Variants in CREBBP observed in about 807,000 individuals in gnomAD.
CREBBP encodes CREB binding lysine acetyltransferase.
Under a neutral mutation model 265.0 loss-of-function variants are expected in CREBBP, and 19 were observed. The ratio of observed to expected loss-of-function variants is 0.07; its 90% CI spans 0.05 to 0.11. The LOEUF (loss-of-function observed/expected upper bound fraction) is 0.11, where lower values mean the gene tolerates loss of function less well. Among genes scored for constraint, CREBBP ranks in the 10% least tolerant of loss-of-function variants. CREBBP has a pLI of 1.00. For missense variants in CREBBP, 2,525 were observed against 3,219.0 expected, an observed-to-expected ratio of 0.78 and a Z score of 5.22; for synonymous variants, 1,457 against 1,223.7, an observed-to-expected ratio of 1.19 and a Z score of -3.98.
chr16:3,760,393 T>TTTTTTTTTTG (rs2052687181), intron 16 of CREBBP, among the ~76,000 whole-genome samples: 17 of 28,382 alleles, frequency 6.0e-4, no homozygotes, highest in Admixed American at 2.1e-3. Context: ...ATGCCCAGGT[T>TTTTTTTTTTG]TTTTTTTTTT....
rs74912947 is a variant in CREBBP, at chr16:3,785,081, C to G, written c.1331-2155G>C. Among the ~76,000 whole-genome samples, 1,274 of 152,332 alleles carry G rather than the reference C, an allele frequency of 8.4e-3. 13 individuals are homozygous for G. The highest frequency in any genetic ancestry group is 0.034 in the Middle Eastern group (10 of 294). The stretch of plus-strand genomic sequence containing the variant: ...ATTTGAAGTCCAAATGATGCTATTA[C>G]ATGAAATGACACAAATACTGAAGGG... On this transcript the variant is annotated intron_variant, in intron 5 of 30. Transcript: ENST00000262367.
In CREBBP at chr16:3,767,887, C is replaced by T. The variant is rs2141183647; in HGVS notation, c.3083G>A (p.Gly1028Glu). The T allele has an allele frequency of 6.2e-7, 1 of 1,614,098 alleles. No individual in the cohort carries two copies. The highest frequency in any genetic ancestry group is 1.7e-5 in the Admixed American group (1 of 60,010). ...RSEMMEEDLQ[G>E]ASQVKEETDI... ...TGTTTCTTCTTTAACTTGGGAAGCTCCTTGCAAATCCTCCTCCATCATCTT... is the reference window on the plus strand; with the variant it reads ...TGTTTCTTCTTTAACTTGGGAAGCTTCTTGCAAATCCTCCTCCATCATCTT... Residue 1028 changes from glycine to glutamate, a missense_variant, in exon 16 of 31, where the codon GGA becomes GAA. Physicochemically the swap from Gly to Glu is moderately conservative, Grantham distance 98 (BLOSUM62 -2). Around this residue, in one of 19 missense-constraint regions of CREBBP, gnomAD observed 548 missense variants for 533.0 expected, o/e 1.03. Coordinates refer to ENST00000262367, the MANE Select transcript of CREBBP (RefSeq NM_004380.3).
At chr16:3,843,514 G>A (rs1007610950) in intron 2 of CREBBP, among the ~76,000 whole-genome samples, 1 of 149,108 alleles carries the variant, frequency 6.7e-6, no homozygotes, top group African/African-American at 2.5e-5. Flanking sequence ...TTGCACTCCT[G>A]GGCTCAAGCA....
chr16:3,776,133 G>A (rs2053132776), intron 11 of CREBBP, among the ~76,000 whole-genome samples: 1 of 151,996 alleles, frequency 6.6e-6, no homozygotes, highest in Non-Finnish European at 1.5e-5. Context: ...GGCTAGGCTG[G>A]TCTCAAACTC....
Position 3,728,582 on chromosome 16 carries a change from A to C in CREBBP, c.6465T>G (p.Pro2155=), listed in dbSNP as rs746868061. ...MQAGVPRPGV[P]PQQQAMGGLN... is the part of the protein sequence containing the mutation. ...GGCCTCCCATCGCCTGCTGCTGTGG[A>C]GGCACACCGGGCCGCGGCACGCCAG... The change falls in exon 31 of 31, where the codon CCT becomes CCG. Residue 2155 remains proline (P), a synonymous_variant. Transcript: ENST00000262367. This position sits in a 1 kb window ranked among gnomAD's most constrained non-coding sequence, Gnocchi z 8.7. The C allele has an allele frequency of 2.5e-5, 41 of 1,613,478 alleles. No individual in the cohort carries two copies. The Middle Eastern group carries it at 4.9e-4, about 19-fold the overall frequency.
At chr16:3,737,158 G>C (rs891577578) in intron 26 of CREBBP, among the ~76,000 whole-genome samples, 1 of 152,110 alleles carries the variant, frequency 6.6e-6, no homozygotes, top group Non-Finnish European at 1.5e-5. Context: ...AAGGCAGTTC[G>C]GTTGACTATT....
chr16:3,780,783 C>T lies in CREBBP; in HGVS notation c.1772G>A (p.Gly591Asp). ...APPSSTGVRK[G>D]WHEHVTQDLR... is the part of the protein sequence containing the mutation. The stretch of plus-strand genomic sequence containing the variant: ...GTCCTGAGTGACATGTTCGTGCCAG[C>T]CTTTCCTTACACCGGTGCTAGAAGG... The change falls in exon 8 of 31, where the codon GGC becomes GAC. Residue 591 changes from glycine (G) to aspartate (D), a missense_variant. Coordinates refer to ENST00000262367, the MANE Select transcript of CREBBP (RefSeq NM_004380.3). 6.2e-7 allele frequency: 1 copy of T among 1,614,016 alleles called. No homozygotes were observed. The highest frequency in any genetic ancestry group is 8.5e-7 in the Non-Finnish European group (1 of 1,180,014).
intron 2 of CREBBP, among the ~76,000 whole-genome samples, chr16:3,843,335 T>C (rs981067397): frequency 1.3e-5 from 2 of 151,936 alleles, no homozygotes; most frequent in Non-Finnish European, 2.9e-5. Context: ...ATTTAGACTT[T>C]ACTAAATAAA....
chr16:3,844,008 C>T (rs989468933), intron 2 of CREBBP, among the ~76,000 whole-genome samples: 38 of 150,112 alleles, frequency 2.5e-4, no homozygotes, highest in African/African-American at 9.3e-4. Context: ...ATTAGCCGGG[C>T]GTAGTGGCGG....
At chr16:3,800,027 T>C (rs28716063) in intron 3 of CREBBP, among the ~76,000 whole-genome samples, 1 of 152,124 alleles carries the variant, frequency 6.6e-6, no homozygotes, top group Admixed American at 6.5e-5. Context: ...TGTAAAAGTA[T>C]GGGAAGGTAA....
intron 3 of CREBBP, among the ~76,000 whole-genome samples, chr16:3,797,665 G>A (rs975334454): frequency 5.3e-5 from 8 of 151,904 alleles, no homozygotes; most frequent in Non-Finnish European, 1.0e-4. Flanking sequence ...GCTGGTAAGT[G>A]AAACCCCAGA....
chr16:3,731,962 G>T lies in CREBBP; in HGVS notation c.4729-25C>A. On this transcript the variant is annotated intron_variant, in intron 28 of 30. Transcript: ENST00000262367. This position sits in a 1 kb window ranked among gnomAD's most constrained non-coding sequence, Gnocchi z 7.7. ...CCTGCAACAACACGCAAGGCTGTGAGACCAGGCAAGTGCCCCTCCACACTT... is the reference window on the plus strand; with the variant it reads ...CCTGCAACAACACGCAAGGCTGTGATACCAGGCAAGTGCCCCTCCACACTT... 2 of 1,614,110 alleles carry T rather than the reference G, an allele frequency of 1.2e-6. No homozygotes were observed. Among genetic ancestry groups the T allele is most frequent in the Non-Finnish European group, 1.7e-6 (2 of 1,180,042 alleles).
At chr16:3,771,261 G>T (rs910404279) in intron 13 of CREBBP, among the ~76,000 whole-genome samples, 1 of 151,958 alleles carries the variant, frequency 6.6e-6, no homozygotes, top group Non-Finnish European at 1.5e-5. Flanking sequence ...TAGAGATCGG[G>T]TTTTGCCATG....
intron 26 of CREBBP, 70 bp from the exon 27 acceptor site, chr16:3,736,885 G>T: frequency 6.3e-7 from 1 of 1,577,084 alleles, no homozygotes. Context: ...AGGAGTTATA[G>T]CAGAGGAGCA....
chr16:3,797,533 ATT>A (rs1395695431), intron 3 of CREBBP, among the ~76,000 whole-genome samples: 4 of 152,180 alleles, frequency 2.6e-5, no homozygotes, highest in Non-Finnish European at 5.9e-5. Flanking sequence ...AGAGATTAAC[ATT>A]AACTAATAAT....
At chr16:3,870,910 G>A (rs2055280168) in intron 1 of CREBBP, among the ~76,000 whole-genome samples, 2 of 151,958 alleles carry the variant, frequency 1.3e-5, no homozygotes, top group South Asian at 2.1e-4. Context: ...TGTAATTCCA[G>A]CTACTCAGGA....
rs555109138 is a variant in CREBBP at position 3,767,765 on chromosome 16, C to A, written c.3205G>T (p.Gly1069Cys). 3.9e-5 allele frequency: 63 copies of A among 1,614,222 alleles called. No homozygotes were observed. The South Asian group carries it at 6.5e-4, about 17-fold the overall frequency. ...VKEEEESSSN[G>C]TASQSTSPSQ... Reference sequence around the variant, plus strand: ...GGAGATGTTGACTGAGAGGCTGTGCCGTTACTGCTACTCTCTTCTTCCTCT... The same window carrying A: ...GGAGATGTTGACTGAGAGGCTGTGCAGTTACTGCTACTCTCTTCTTCCTCT... Residue 1069 changes from glycine to cysteine, a missense_variant, in exon 16 of 31, where the codon GGC (glycine) becomes TGC (cysteine). By Grantham distance (159) the Gly-to-Cys change is radical (BLOSUM62 -3). Around this residue, in one of 19 missense-constraint regions of CREBBP, gnomAD observed 548 missense variants for 533.0 expected, o/e 1.03. Coordinates refer to ENST00000262367, the MANE Select transcript of CREBBP (RefSeq NM_004380.3).
intron 13 of CREBBP, 25 bp from the exon 14 acceptor site, chr16:3,771,011 TA>T: frequency 1.2e-6 from 2 of 1,610,720 alleles, no homozygotes; most frequent in Non-Finnish European, 1.7e-6. Flanking sequence ...CAGAGTATGG[TA>T]AAATTATTTC....
intron 2 of CREBBP, among the ~76,000 whole-genome samples, chr16:3,847,393 G>A (rs752253084): frequency 6.6e-6 from 1 of 152,054 alleles, no homozygotes; most frequent in African/African-American, 2.4e-5. Flanking sequence ...CTCTGCTATC[G>A]TAAGGTTCTA....
Sources: gnomAD v4.1 joint callset for allele counts (sites outside exome capture counted in the v4.1 genomes callset) on GRCh38, gnomAD v4.1.1 for gene constraint, gnomAD v4.1.1 regional missense constraint, Gnocchi (gnomAD v3.1) non-coding constraint, MANE v1.5 for transcripts, NCBI Gene and HGNC (gene_info 2026-07-23, HGNC 2026-07-21) for gene names.